The following ATXN1 variants were observed in gnomAD, a reference collection of about 807,000 sequenced individuals.
ATXN1 encodes the protein ataxin-1.
ATXN1 carries 8 observed loss-of-function variants against 56.4 expected under a neutral mutation model. The observed-to-expected ratio is 0.14, with a 90% CI of 0.08 to 0.26. ATXN1 has a LOEUF of 0.26. ATXN1 is among the 10% of genes least tolerant of loss of function. ATXN1 has a pLI of 1.00. For synonymous variants in ATXN1, 514 were observed against 494.6 expected (o/e 1.04, Z -0.52); for missense variants, 987 against 1,106.5 (o/e 0.89, Z 1.53).
chr6:16,674,807 G>A (rs543296901), intron 2 of ATXN1, among the ~76,000 whole-genome samples: 89 of 152,268 alleles, frequency 5.8e-4, no homozygotes, highest in Non-Finnish European at 1.0e-3. Context: ...TTTGGAATGA[G>A]ATCCTGGGAA....
rs534608711 is a variant in ATXN1, at chr6:16,702,320, A to G, written c.-614-44419T>C. On this transcript the variant is annotated intron_variant, in intron 2 of 7. Transcript: ENST00000436367. Reference sequence around the variant, plus strand: ...AAACTGAACCCCTTCCTTACACCTTATACAAAAATTAATTCAAGATGGATT... The same window carrying G: ...AAACTGAACCCCTTCCTTACACCTTGTACAAAAATTAATTCAAGATGGATT... Among the ~76,000 whole-genome samples, 19 of 152,354 alleles carry G rather than the reference A, an allele frequency of 1.2e-4. No homozygotes were observed. The South Asian group carries it at 3.5e-3, about 28-fold the overall frequency.
chr6:16,526,041 C>CTATA (rs71769107), intron 4 of ATXN1, among the ~76,000 whole-genome samples: 4,376 of 127,090 alleles, frequency 0.034, 218 homozygotes, highest in African/African-American at 0.1. Context: ...AGAAATAAAT[C>CTATA]TATATATATA....
intron 2 of ATXN1, among the ~76,000 whole-genome samples, chr6:16,743,004 A>G (rs1224406382): frequency 6.6e-6 from 1 of 152,232 alleles, no homozygotes; most frequent in Non-Finnish European, 1.5e-5. Context: ...CTTAAAGGAG[A>G]CTGATCAAAG....
intron 5 of ATXN1, among the ~76,000 whole-genome samples, chr6:16,503,320 C>T (rs1285560691): frequency 1.3e-5 from 2 of 152,162 alleles, no homozygotes; most frequent in Non-Finnish European, 2.9e-5. Context: ...AGTCTGTACT[C>T]CTTAACATGG....
intron 6 of ATXN1, among the ~76,000 whole-genome samples, chr6:16,375,609 C>T (rs1762127621): frequency 6.6e-6 from 1 of 152,308 alleles, no homozygotes; most frequent in Admixed American, 6.5e-5. Flanking sequence ...GTGGTACCCA[C>T]TTGTCATTTG....
chr6:16,316,766 C>CA lies in ATXN1; in HGVS notation c.1917+9627dup, dbSNP rs112512714. 4.8e-3 allele frequency among the ~76,000 whole-genome samples: 642 copies of CA among 133,384 alleles called. 7 individuals are homozygous for CA. The highest frequency in any genetic ancestry group is 0.041 in the East Asian group (184 of 4,518). The allele number at this position is 133,384 out of a possible 152,430, so 87.5% of individuals were successfully genotyped here. On this transcript the variant is annotated intron_variant, in intron 7 of 7. Coordinates refer to ENST00000436367, the MANE Select transcript of ATXN1 (RefSeq NM_001128164.2). ...CGTCTTAAAAAAAACAAAAACAAAA[C>CA]AAAAAAAAAACTGAAAGAATAGTTC...
intron 3 of ATXN1, among the ~76,000 whole-genome samples, chr6:16,650,040 C>T (rs1041508151): frequency 1.3e-5 from 2 of 152,040 alleles, no homozygotes; most frequent in Non-Finnish European, 2.9e-5. Context: ...TCAAGAAATC[C>T]TCTTCCCTCA....
At chr6:16,383,160 C>T (rs981509646) in intron 6 of ATXN1, among the ~76,000 whole-genome samples, 1 of 152,186 alleles carries the variant, frequency 6.6e-6, no homozygotes, top group Non-Finnish European at 1.5e-5. Flanking sequence ...ACCTTTCTGA[C>T]CTCACAAGGA....
chr6:16,583,221 A>G (rs1762558501), intron 4 of ATXN1, among the ~76,000 whole-genome samples: 2 of 152,190 alleles, frequency 1.3e-5, no homozygotes, highest in African/African-American at 4.8e-5. Flanking sequence ...ATTAGACCAG[A>G]AATTAGGGCC....
chr6:16,498,020 TTAAC>T (rs1164194535), intron 5 of ATXN1, among the ~76,000 whole-genome samples: 1 of 152,186 alleles, frequency 6.6e-6, no homozygotes, highest in African/African-American at 2.4e-5. Context: ...ATTCAGCATT[TTAAC>T]TGTTTTTAAA....
At chr6:16,311,742 T>C (rs938591398) in intron 7 of ATXN1, among the ~76,000 whole-genome samples, 2 of 152,140 alleles carry the variant, frequency 1.3e-5, no homozygotes, top group African/African-American at 4.8e-5. Context: ...TTAGAGTCAT[T>C]AACAACATAA....
At chr6:16,658,318 A>G (rs1758248051) in intron 2 of ATXN1, among the ~76,000 whole-genome samples, 1 of 152,256 alleles carries the variant, frequency 6.6e-6, no homozygotes, top group Non-Finnish European at 1.5e-5. Flanking sequence ...TGAAAGACTC[A>G]GACTAATCAA....
intron 6 of ATXN1, chr6:16,432,940 C>A (rs1344895755): frequency 6.6e-6 from 1 of 152,186 alleles, no homozygotes; most frequent in Non-Finnish European, 1.5e-5. Context: ...ACAGTTCAAT[C>A]CTCACCTCTC....
At chr6:16,579,494 C>CA (rs1762488551) in intron 4 of ATXN1, among the ~76,000 whole-genome samples, 1 of 48,270 alleles carries the variant, frequency 2.1e-5, no homozygotes, top group African/African-American at 1.0e-4. Flanking sequence ...CCCCCCCCCA[C>CA]CCGCCGATTC....
intron 6 of ATXN1, among the ~76,000 whole-genome samples, chr6:16,469,115 G>A (rs989218797): frequency 6.6e-6 from 1 of 152,182 alleles, no homozygotes; most frequent in Non-Finnish European, 1.5e-5. Context: ...ATAAATGCTT[G>A]ATGAATAAAT....
At chr6:16,629,091 T>C (rs1433009877) in intron 3 of ATXN1, among the ~76,000 whole-genome samples, 1 of 105,132 alleles carries the variant, frequency 9.5e-6, no homozygotes, top group African/African-American at 5.7e-5. Flanking sequence ...TCACCAACAG[T>C]GTATAAGTGT....
intron 6 of ATXN1, among the ~76,000 whole-genome samples, chr6:16,364,309 G>T (rs528774613): frequency 2.0e-5 from 3 of 151,954 alleles, no homozygotes; most frequent in African/African-American, 7.2e-5. Flanking sequence ...TGAGGTTCTA[G>T]ATTTTTTTTT....
intron 3 of ATXN1, among the ~76,000 whole-genome samples, chr6:16,624,823 C>T (rs1375613765): frequency 2.0e-5 from 3 of 152,098 alleles, no homozygotes; most frequent in Non-Finnish European, 4.4e-5. Context: ...ACCATATGCC[C>T]GAGGGGACTG....
At chr6:16,551,694 C>T (rs760036104) in intron 4 of ATXN1, among the ~76,000 whole-genome samples, 1 of 152,140 alleles carries the variant, frequency 6.6e-6, no homozygotes, top group African/African-American at 2.4e-5. Flanking sequence ...ATCCACAAGT[C>T]GAGCCCTGAC....
Sources: gnomAD v4.1 joint callset for allele counts (sites outside exome capture counted in the v4.1 genomes callset) on GRCh38, gnomAD v4.1.1 for gene constraint, MANE v1.5 for transcripts, NCBI Gene and HGNC (gene_info 2026-07-23, HGNC 2026-07-21) for gene names.